Variants in VPS45 observed in about 807,000 individuals in gnomAD.
VPS45 encodes the protein vacuolar protein sorting 45 homolog, also known as vacuolar protein sorting-associated protein 45.
A neutral mutation model predicts 75.9 loss-of-function variants in VPS45; 35 were observed. That is an observed-to-expected ratio of 0.46 (90% CI 0.35 to 0.61). The LOEUF (loss-of-function observed/expected upper bound fraction) is 0.61. Ranked by LOEUF, VPS45 falls within the 20% of genes least tolerant of loss-of-function variation. The probability of loss-of-function intolerance (pLI) is 0.00; values close to 1 mark genes in which losing one functional copy is unlikely to be tolerated. For synonymous variants in VPS45, 220 were observed against 238.2 expected (o/e 0.92, Z 0.70); for missense variants, 559 against 685.9 (o/e 0.81, Z 2.07).
In VPS45 at chr1:150,093,378, TTAAAA is replaced by T. The variant is rs149525397; in HGVS notation, c.1372-145_1372-141del. 171 of 876,160 alleles carry T rather than the reference TTAAAA, an allele frequency of 2.0e-4. No homozygotes were observed. The African/African-American group carries it at 2.6e-3, about 13-fold the overall frequency. 54.3% of individuals were successfully genotyped at this position (876,160 alleles called of 1,614,324 possible). A position where few individuals can be genotyped will look rare whatever the true frequency, so the allele number is the denominator to read the frequency against. ...ATGAGATTAGAACATTTCTAGCTGA[TTAAAA>T]TAATTTTTAAATTTCCCACAGTTAC... On this transcript the variant is annotated intron_variant, in intron 12 of 14. Coordinates refer to ENST00000644510, the MANE Select transcript of VPS45 (RefSeq NM_007259.5).
chr1:150,082,277 C>T (rs1382060319), intron 9 of VPS45, among the ~76,000 whole-genome samples: 2 of 152,130 alleles, frequency 1.3e-5, no homozygotes, highest in East Asian at 1.9e-4. Context: ...GAGGCCGAGG[C>T]GGGTGGATCA....
chr1:150,083,316 GT>G (rs1553799921), intron 10 of VPS45: 1 of 152,916 alleles, frequency 6.5e-6, no homozygotes, highest in African/African-American at 2.4e-5. Context: ...TATTGTCTAA[GT>G]TTTTTCATTA....
Position 150,072,945 on chromosome 1 carries a change from A to AG in VPS45, c.289+719_289+720insG, listed in dbSNP as rs1655165928. ...TGCTGGAAAAGCAGAAATTTACTTTACATACCAGATAAAAGCCTTTCACTT... is the reference window on the plus strand; with the variant it reads ...TGCTGGAAAAGCAGAAATTTACTTTAGCATACCAGATAAAAGCCTTTCACTT... On this transcript the variant is annotated intron_variant, in intron 3 of 14. Coordinates refer to ENST00000644510, the MANE Select transcript of VPS45 (RefSeq NM_007259.5). 5.3e-5 allele frequency among the ~76,000 whole-genome samples: 8 copies of AG among 152,286 alleles called. No homozygotes were observed. In the South Asian group the frequency reaches 1.7e-3, roughly 32 times the overall value.
intron 11 of VPS45, 89 bp downstream of exon 11, chr1:150,092,184 T>C: frequency 6.5e-7 from 1 of 1,527,072 alleles, no homozygotes; most frequent in Non-Finnish European, 8.9e-7. Flanking sequence ...ATACTATTTT[T>C]ATTTACAGAA....
Position 150,070,568 on chromosome 1 carries a change from G to A in VPS45, c.229-1598G>A, listed in dbSNP as rs1231543525. Among the ~76,000 whole-genome samples, 105 of 151,528 alleles carry A rather than the reference G, an allele frequency of 6.9e-4. 1 individual carries two copies. The highest frequency in any genetic ancestry group is 7.8e-4 in the Non-Finnish European group (53 of 67,928). The stretch of plus-strand genomic sequence containing the variant: ...AGCACTTTGGGAGGCCAAGGCAGGC[G>A]GATCACGAGGTCAGGAGATCGAGAC... On this transcript the variant is annotated intron_variant, in intron 2 of 14. Transcript: ENST00000644510.
chr1:150,116,978 G>A (rs952527208), intron 14 of VPS45, among the ~76,000 whole-genome samples: 9 of 152,140 alleles, frequency 5.9e-5, no homozygotes, highest in Middle Eastern at 3.4e-3. Context: ...CGAGGCAGGC[G>A]GATCATGAGG....
chr1:150,125,471 T>C (rs979596045), intron 14 of VPS45, among the ~76,000 whole-genome samples: 17 of 151,530 alleles, frequency 1.1e-4, no homozygotes, highest in African/African-American at 4.1e-4. Context: ...ACTCATCATT[T>C]AAAAAATGAC....
At chr1:150,085,331 C>T (rs1655947754) in intron 10 of VPS45, among the ~76,000 whole-genome samples, 4 of 152,112 alleles carry the variant, frequency 2.6e-5, no homozygotes, top group Admixed American at 2.0e-4. Flanking sequence ...TATCTCTCTA[C>T]ATGTGGAAAG....
rs184021188 is a variant in VPS45, at chr1:150,118,112, G to A, written c.1625+7485G>A. On this transcript the variant is annotated intron_variant, in intron 14 of 14. Coordinates refer to ENST00000644510, the MANE Select transcript of VPS45 (RefSeq NM_007259.5). ...AGCCTGCCCAACATGGTGAAACCTC[G>A]TCTCCACTAAAAAATACAAAAATTA... is the stretch of plus-strand genomic sequence containing the variant. Among the ~76,000 whole-genome samples, 26 of 151,216 alleles carry A rather than the reference G, an allele frequency of 1.7e-4. 1 individual carries two copies. The East Asian group carries it at 5.0e-3, about 29-fold the overall frequency.
intron 6 of VPS45, 33 bp downstream of exon 6, chr1:150,077,264 T>G: frequency 1.9e-6 from 3 of 1,593,986 alleles, no homozygotes; most frequent in Non-Finnish European, 2.6e-6. Context: ...TTCCAAAACA[T>G]AAAGGCCATT....
intron 13 of VPS45, among the ~76,000 whole-genome samples, chr1:150,102,255 C>CAAA (rs1354742706): frequency 0.025 from 2,560 of 100,972 alleles, 137 homozygotes; most frequent in African/African-American, 0.075. Flanking sequence ...AAAAAAAAAA[C>CAAA]AAACACATGC....
At chr1:150,122,293 C>T (rs587736390) in intron 14 of VPS45, among the ~76,000 whole-genome samples, 2 of 152,052 alleles carry the variant, frequency 1.3e-5, no homozygotes, top group Admixed American at 6.5e-5. Flanking sequence ...TACACTCCAG[C>T]GTGGGCGACA....
chr1:150,099,061 T>C, intron 13 of VPS45: 5 of 1,090,838 alleles, frequency 4.6e-6, no homozygotes, highest in Non-Finnish European at 5.6e-6. Context: ...CAGTAAATGC[T>C]CATAAGAACT....
At chr1:150,093,672 A>G in intron 13 of VPS45, 24 bp downstream of exon 13, 2 of 1,601,178 alleles carry the variant, frequency 1.2e-6, no homozygotes, top group South Asian at 1.1e-5. Flanking sequence ...GATATTAATA[A>G]TAAAAGCCAG....
chr1:150,128,909 A>T (rs930491807), intron 14 of VPS45, among the ~76,000 whole-genome samples: 1 of 151,964 alleles, frequency 6.6e-6, no homozygotes, highest in Admixed American at 6.6e-5. Context: ...CTGGCTAATT[A>T]TTTTTGTATT....
At chr1:150,113,811 C>T (rs978301139) in intron 14 of VPS45, among the ~76,000 whole-genome samples, 1 of 151,844 alleles carries the variant, frequency 6.6e-6, no homozygotes, top group Admixed American at 6.6e-5. Context: ...CAGGAGAATG[C>T]TTGAACCTGG....
chr1:150,129,454 A>T (rs1658697995), intron 14 of VPS45, among the ~76,000 whole-genome samples: 1 of 152,202 alleles, frequency 6.6e-6, no homozygotes, highest in African/African-American at 2.4e-5. Context: ...AGGAAAAAAA[A>T]TTTAATACAG....
chr1:150,112,596 A>C (rs74127448), intron 14 of VPS45, among the ~76,000 whole-genome samples: 3,273 of 152,130 alleles, frequency 0.022, 98 homozygotes, highest in African/African-American at 0.074. Flanking sequence ...CATTTTTCCA[A>C]TTCTCCAGAC....
chr1:150,092,185 A>G, intron 11 of VPS45, 90 bp downstream of exon 11: 1 of 1,522,408 alleles, frequency 6.6e-7, no homozygotes, highest in East Asian at 2.3e-5. Context: ...TACTATTTTT[A>G]TTTACAGAAA....
Sources: gnomAD v4.1 joint callset for allele counts (sites outside exome capture counted in the v4.1 genomes callset) on GRCh38, gnomAD v4.1.1 for gene constraint, MANE v1.5 for transcripts, NCBI Gene and HGNC (gene_info 2026-07-23, HGNC 2026-07-21) for gene names.